CAMTA1: variants seen among roughly 807,000 people sequenced by gnomAD.
CAMTA1 encodes calmodulin binding transcription activator 1.
Under a neutral mutation model 170.9 loss-of-function variants are expected in CAMTA1, and 27 were observed. The observed-to-expected ratio is 0.16, with a 90% CI of 0.12 to 0.22. CAMTA1 has a LOEUF of 0.22. Ranked by LOEUF, CAMTA1 falls within the 10% of genes least tolerant of loss-of-function variation. The pLI, the probability that CAMTA1 is intolerant of heterozygous loss-of-function variation, is 1.00. For synonymous variants in CAMTA1, 833 were observed against 891.5 expected, an observed-to-expected ratio of 0.93 and a Z score of 1.17; for missense variants, 1,619 against 2,217.2, an observed-to-expected ratio of 0.73 and a Z score of 5.42.
At chr1:6,852,005 C>CT (rs200081149) in intron 3 of CAMTA1, among the ~76,000 whole-genome samples, 6,658 of 142,326 alleles carry the variant, frequency 0.047, 210 homozygotes, top group Non-Finnish European at 0.069. Flanking sequence ...GAGTGAGACT[C>CT]TATCTCCAAA....
At chr1:7,145,923 C>A (rs74051160) in intron 4 of CAMTA1, among the ~76,000 whole-genome samples, 1 of 152,292 alleles carries the variant, frequency 6.6e-6, no homozygotes, top group African/African-American at 2.4e-5. Flanking sequence ...CCCTCTATGA[C>A]CTGTGACCTG....
chr1:7,685,285 C>A lies in CAMTA1; in HGVS notation c.2914+7552C>A, dbSNP rs2096249050. Among the ~76,000 whole-genome samples, 1 of 152,208 alleles carries A rather than the reference C, an allele frequency of 6.6e-6. No homozygotes were observed. The highest frequency in any genetic ancestry group is 1.5e-5 in the Non-Finnish European group (1 of 68,044). On this transcript the variant is annotated intron_variant, in intron 11 of 22. Coordinates refer to ENST00000303635, the MANE Select transcript of CAMTA1 (RefSeq NM_015215.4). The surrounding 1 kb of genome is among the most constrained non-coding windows in gnomAD (Gnocchi z 5.7). ...GGAAGGATGCAGATATGGGAAAGAT[C>A]AGTTCCTGGCTTGGAGGAGCCACTC... is the stretch of plus-strand genomic sequence containing the variant.
intron 3 of CAMTA1, among the ~76,000 whole-genome samples, chr1:6,954,584 G>T (rs1689103664): frequency 6.6e-6 from 1 of 152,194 alleles, no homozygotes; most frequent in Non-Finnish European, 1.5e-5. Flanking sequence ...GTACATAGTA[G>T]CCCGAGTGGT....
At chr1:7,671,353 C>A (rs1196363983) in intron 10 of CAMTA1, among the ~76,000 whole-genome samples, 1 of 152,206 alleles carries the variant, frequency 6.6e-6, no homozygotes, top group African/African-American at 2.4e-5. Flanking sequence ...AAGCGGCCAC[C>A]ACCCTCAGCC....
At chr1:7,457,060 C>G (rs1429207555) in intron 5 of CAMTA1, among the ~76,000 whole-genome samples, 1 of 87,764 alleles carries the variant, frequency 1.1e-5, no homozygotes, top group African/African-American at 5.4e-5. Flanking sequence ...CCTGCGCCGC[C>G]GTGCCCCTCA....
At chr1:7,385,615 G>A (rs2087867229) in intron 5 of CAMTA1, among the ~76,000 whole-genome samples, 1 of 152,162 alleles carries the variant, frequency 6.6e-6, no homozygotes, top group South Asian at 2.1e-4. Context: ...GCTGCCTGGA[G>A]AGCAGCAAAC....
chr1:6,994,970 G>A (rs563224572), intron 3 of CAMTA1, among the ~76,000 whole-genome samples: 3 of 152,166 alleles, frequency 2.0e-5, no homozygotes, highest in South Asian at 2.1e-4. Flanking sequence ...CACCCGGCCC[G>A]AGCTTCTTGA....
chr1:7,669,717 G>A (rs1182447973), intron 9 of CAMTA1, among the ~76,000 whole-genome samples: 1 of 152,208 alleles, frequency 6.6e-6, no homozygotes, highest in Non-Finnish European at 1.5e-5. Context: ...ACTGGTTTGG[G>A]GGTGGGGTGG....
chr1:7,533,060 G>A (rs554670625), intron 6 of CAMTA1, among the ~76,000 whole-genome samples: 85 of 152,320 alleles, frequency 5.6e-4, no homozygotes, highest in African/African-American at 2.0e-3. Context: ...ACAAGAGTAA[G>A]GCAGTTGGAG....
chr1:7,323,713 C>T (rs1400651349), intron 5 of CAMTA1, among the ~76,000 whole-genome samples: 4 of 152,018 alleles, frequency 2.6e-5, no homozygotes, highest in African/African-American at 4.8e-5. Context: ...AACGACCTCT[C>T]TAGAACATAC....
intron 5 of CAMTA1, among the ~76,000 whole-genome samples, chr1:7,295,423 C>CTCT (rs1402126611): frequency 6.6e-6 from 1 of 152,204 alleles, no homozygotes; most frequent in African/African-American, 2.4e-5. Flanking sequence ...GAGGGGAGGG[C>CTCT]TTGTTGTGTG....
chr1:7,000,405 G>C (rs1698050369), intron 3 of CAMTA1, among the ~76,000 whole-genome samples: 1 of 152,218 alleles, frequency 6.6e-6, no homozygotes. Flanking sequence ...TCTTTTGAAG[G>C]CCACAGGGCA....
chr1:7,589,533 C>T (rs987907676), intron 6 of CAMTA1, among the ~76,000 whole-genome samples: 1 of 152,140 alleles, frequency 6.6e-6, no homozygotes, highest in Non-Finnish European at 1.5e-5. Flanking sequence ...GCATGGTGTC[C>T]GTCATTCTGT....
rs1227927597 is a variant in CAMTA1 at position 6,867,225 on chromosome 1, TCTC to T, written c.234+42021_234+42023del. Among the ~76,000 whole-genome samples, 5 of 152,250 alleles carry T rather than the reference TCTC, an allele frequency of 3.3e-5. No individual in the cohort carries two copies. In the East Asian group the frequency reaches 7.7e-4, roughly 23 times the overall value. On this transcript the variant is annotated intron_variant, in intron 3 of 22. Coordinates refer to ENST00000303635, the MANE Select transcript of CAMTA1 (RefSeq NM_015215.4). ...TTTTGCGATTCCTTCTGCCCACCCT[TCTC>T]CTCCTTTTGTGAAAGCTTTGATGTT...
intron 16 of CAMTA1, 98 bp from the exon 17 acceptor site, chr1:7,744,737 G>A: frequency 1.0e-6 from 1 of 998,802 alleles, no homozygotes; most frequent in Non-Finnish European, 1.5e-6. Flanking sequence ...CCTCCTGCCT[G>A]ATTATTTTTT....
chr1:6,789,704 A>G (rs1300248604), intron 1 of CAMTA1, among the ~76,000 whole-genome samples: 1 of 151,000 alleles, frequency 6.6e-6, no homozygotes, highest in Non-Finnish European at 1.5e-5. Flanking sequence ...ACCTTTACCG[A>G]GCTTCTGTTA....
chr1:7,196,434 T>G (rs1025071997), intron 4 of CAMTA1, among the ~76,000 whole-genome samples: 2 of 152,210 alleles, frequency 1.3e-5, no homozygotes, highest in African/African-American at 4.8e-5. Context: ...GAGATCTGTT[T>G]GCCTGCTCTC....
In CAMTA1 at chr1:7,732,489, A is replaced by T. The variant is rs2096741243; in HGVS notation, c.2956A>T (p.Met986Leu). The T allele has an allele frequency of 1.2e-6, 2 of 1,614,030 alleles. No individual in the cohort carries two copies. Among genetic ancestry groups the T allele is most frequent in the Non-Finnish European group, 8.5e-7 (1 of 1,180,034 alleles). ...GTCCATCCTGGAACGACTGGAGCAG[A>T]TGGAGAGGAGGATGGCCGAGATGAC... ...RMSILERLEQ[M>L]ERRMAEMTGS... Residue 986 changes from methionine to leucine, a missense_variant, in exon 12 of 23, where the codon ATG becomes TTG. Met to Leu is a conservative substitution (Grantham distance 15). Coordinates refer to ENST00000303635, the MANE Select transcript of CAMTA1 (RefSeq NM_015215.4). This position sits in a 1 kb window ranked among gnomAD's most constrained non-coding sequence, Gnocchi z 4.1.
intron 11 of CAMTA1, among the ~76,000 whole-genome samples, chr1:7,720,377 G>A (rs1017297556): frequency 2.0e-5 from 3 of 151,918 alleles, no homozygotes; most frequent in Non-Finnish European, 4.4e-5. Context: ...GGTTTTTTTT[G>A]TTTGTTTGTT....
Sources: allele counts gnomAD v4.1 joint callset (sites outside exome capture counted in the v4.1 genomes callset), GRCh38; gene constraint gnomAD v4.1.1; non-coding constraint Gnocchi (gnomAD v3.1); transcripts MANE v1.5; gene names NCBI Gene and HGNC (gene_info 2026-07-23, HGNC 2026-07-21).